Variants in GYS2 observed in about 807,000 individuals in gnomAD.
GYS2 encodes the protein glycogen [starch] synthase, liver.
Under a neutral mutation model 85.6 loss-of-function variants are expected in GYS2, and 80 were observed. The observed-to-expected ratio is 0.93, with a 90% confidence interval of 0.78 to 1.13. The LOEUF is 1.13. Among genes scored for constraint, GYS2 ranks in the 50% most tolerant of loss-of-function variants. The pLI, the probability that GYS2 is intolerant of heterozygous loss-of-function variation, is 0.00. For missense variants in GYS2, 881 were observed against 854.9 expected (o/e 1.03, Z -0.38); for synonymous variants, 328 against 300.7 (o/e 1.09, Z -0.94).
At position 21,546,890 on chromosome 12, in the gene GYS2, C is replaced by G. The variant is rs1255783014; in HGVS notation, c.1423-420G>C. Among the ~76,000 whole-genome samples, 5 of 152,236 alleles carry G rather than the reference C, an allele frequency of 3.3e-5. No individual in the cohort carries two copies. The East Asian group carries it at 9.6e-4, about 29-fold the overall frequency. On this transcript the variant is annotated intron_variant, in intron 11 of 15. Coordinates refer to ENST00000261195, the MANE Select transcript of GYS2 (RefSeq NM_021957.4). ...TGTGTAACAGACCACTCTTACATGCCTTAAGCATGAGTTATTCAACTGAAA... is the reference window on the plus strand; with the variant it reads ...TGTGTAACAGACCACTCTTACATGCGTTAAGCATGAGTTATTCAACTGAAA...
Position 21,546,560 on chromosome 12 carries a change from C to T in GYS2, c.1423-90G>A. 1.5e-5 allele frequency: 11 copies of T among 738,236 alleles called. No homozygotes were observed. The South Asian group carries it at 1.8e-4, about 12-fold the overall frequency. 45.7% of individuals were successfully genotyped at this position (738,236 alleles called of 1,614,324 possible). ...ACAATTTGGTTATTTCAGTACTCTA[C>T]TATAGAATCCTTATGTTCTAGATTC... On this transcript the variant is annotated intron_variant, in intron 11 of 15. Coordinates refer to ENST00000261195, the MANE Select transcript of GYS2 (RefSeq NM_021957.4).
chr12:21,576,404 G>T (rs1944447450), intron 2 of GYS2, among the ~76,000 whole-genome samples: 1 of 152,140 alleles, frequency 6.6e-6, no homozygotes, highest in South Asian at 2.1e-4. Context: ...GCCATGAAAT[G>T]CTTTGTATCT....
At chr12:21,563,372 G>A in intron 5 of GYS2, 27 bp from the exon 6 acceptor site, 1 of 1,148,600 alleles carries the variant, frequency 8.7e-7, no homozygotes. Context: ...AAATTATTAT[G>A]AAAATTCTCT....
chr12:21,570,100 C>G (rs1339252817), intron 4 of GYS2, among the ~76,000 whole-genome samples: 1 of 151,914 alleles, frequency 6.6e-6, no homozygotes, highest in Non-Finnish European at 1.5e-5. Context: ...AAAAAGAGAC[C>G]CATTAGAGGA....
At chr12:21,579,233 A>G (rs1416477467) in intron 2 of GYS2, among the ~76,000 whole-genome samples, 1 of 152,168 alleles carries the variant, frequency 6.6e-6, no homozygotes, top group African/African-American at 2.4e-5. Flanking sequence ...GCTTAAAACA[A>G]ATTTATTATC....
chr12:21,535,755 C>G (rs755743516), downstream of GYS2, among the ~76,000 whole-genome samples: 6 of 152,100 alleles, frequency 3.9e-5, no homozygotes, highest in Non-Finnish European at 1.5e-5. Flanking sequence ...CAGAACAAGG[C>G]CAATTGATAT....
downstream of GYS2, among the ~76,000 whole-genome samples, chr12:21,535,517 T>C (rs531797191): frequency 2.0e-5 from 3 of 152,360 alleles, no homozygotes; most frequent in Admixed American, 2.0e-4. Context: ...ATTTCTCTTC[T>C]TTCTGGACAT....
intron 1 of GYS2, among the ~76,000 whole-genome samples, chr12:21,585,362 T>TG (rs1253633134): frequency 1.3e-5 from 2 of 152,118 alleles, no homozygotes; most frequent in Non-Finnish European, 2.9e-5. Context: ...CAGTGTTGGC[T>TG]GCGGTGATTA....
In GYS2 at chr12:21,549,221, G is replaced by A. The variant is rs529089714; in HGVS notation, c.1423-2751C>T. Among the ~76,000 whole-genome samples the A allele has an allele frequency of 5.3e-5, 8 of 152,232 alleles. No individual in the cohort carries two copies. In the South Asian group the frequency reaches 1.0e-3, roughly 20 times the overall value. ...TCCCACTTACTACAGTTATCACTGA[G>A]CTATTATTAGATTATCTCTCAGCCT... On this transcript the variant is annotated intron_variant, in intron 11 of 15. Coordinates refer to ENST00000261195, the MANE Select transcript of GYS2 (RefSeq NM_021957.4).
At chr12:21,589,682 G>A (rs1245893931) in intron 1 of GYS2, among the ~76,000 whole-genome samples, 1 of 152,110 alleles carries the variant, frequency 6.6e-6, no homozygotes, top group African/African-American at 2.4e-5. Context: ...GACTCCCAGT[G>A]GTCCACATCT....
intron 7 of GYS2, among the ~76,000 whole-genome samples, chr12:21,560,725 C>A (rs1029112681): frequency 3.3e-5 from 5 of 152,076 alleles, no homozygotes; most frequent in Non-Finnish European, 7.4e-5. Context: ...AACAAATTGA[C>A]TTTCAATCAG....
chr12:21,582,592 G>GAGATAGATAT (rs1008819325), intron 1 of GYS2, among the ~76,000 whole-genome samples: 6 of 128,452 alleles, frequency 4.7e-5, no homozygotes, highest in African/African-American at 1.8e-4. Context: ...GATAGATATA[G>GAGATAGATAT]AGATAGATAT....
intron 3 of GYS2, among the ~76,000 whole-genome samples, 178 bp downstream of exon 3, chr12:21,575,688 C>T (rs1944436819): frequency 1.3e-5 from 2 of 152,070 alleles, no homozygotes; most frequent in African/African-American, 4.8e-5. Flanking sequence ...CATTATTACG[C>T]TATTCCATTT....
At position 21,562,957 on chromosome 12, in the gene GYS2, G is replaced by A; in HGVS notation, c.1023C>T (p.Ile341=). 1 of 1,610,952 alleles carries A rather than the reference G, an allele frequency of 6.2e-7. No homozygotes were observed. Among genetic ancestry groups the A allele is most frequent in the Middle Eastern group, 1.7e-4 (1 of 6,058 alleles). ...RYEFSNKGAD[I]FLESLSRLNF... Reference sequence around the variant, plus strand: ...TTAGCCTGGATAAGGATTCTAGGAAGATGTCAGCTCCTTTGTTTGAAAACT... The same window carrying A: ...TTAGCCTGGATAAGGATTCTAGGAAAATGTCAGCTCCTTTGTTTGAAAACT... The change falls in exon 7 of 16, where the codon ATC becomes ATT. Residue 341 remains isoleucine (I), a synonymous_variant. Coordinates refer to ENST00000261195, the MANE Select transcript of GYS2 (RefSeq NM_021957.4).
At chr12:21,560,026 T>C (rs1449723310) in intron 8 of GYS2, among the ~76,000 whole-genome samples, 1 of 152,190 alleles carries the variant, frequency 6.6e-6, no homozygotes. Flanking sequence ...CGGGAATTCG[T>C]TGATCATTGT....
intron 15 of GYS2, 38 bp downstream of exon 15, chr12:21,539,219 GA>G (rs751389161): frequency 1.9e-6 from 2 of 1,079,402 alleles, no homozygotes; most frequent in Non-Finnish European, 2.8e-6. Context: ...CTTATAAAAA[GA>G]AATATAGCTT....
chr12:21,569,070 C>G (rs1944356663), intron 4 of GYS2, 61 bp from the exon 5 acceptor site: 5 of 1,542,128 alleles, frequency 3.2e-6, no homozygotes, highest in South Asian at 2.2e-5. Flanking sequence ...ACAAGCTAAA[C>G]AAAATCACAC....
chr12:21,574,116 T>C (rs1345360635), intron 4 of GYS2, 28 bp downstream of exon 4: 1 of 1,545,482 alleles, frequency 6.5e-7, no homozygotes, highest in South Asian at 1.1e-5. Context: ...GAAGGGTGAG[T>C]AAGAGGGAGG....
At chr12:21,548,080 T>C (rs2136853751) in intron 11 of GYS2, among the ~76,000 whole-genome samples, 1 of 108,946 alleles carries the variant, frequency 9.2e-6, no homozygotes, top group East Asian at 3.0e-4. Context: ...CTGACATAAA[T>C]GTTGGTTGAT....
Sources: allele counts gnomAD v4.1 joint callset (sites outside exome capture counted in the v4.1 genomes callset), GRCh38; gene constraint gnomAD v4.1.1; transcripts MANE v1.5; gene names NCBI Gene and HGNC (gene_info 2026-07-23, HGNC 2026-07-21).